WDR43: variants seen among roughly 807,000 people sequenced by gnomAD.
WDR43 encodes the protein WD repeat domain 43, also known as WD repeat-containing protein 43.
In WDR43, 13 loss-of-function variants were observed where a neutral mutation model predicts 91.4. That is an observed-to-expected ratio of 0.14 (90% CI 0.09 to 0.23). The LOEUF (loss-of-function observed/expected upper bound fraction) is 0.23. WDR43 is among the 10% of genes least tolerant of loss of function. WDR43 has a pLI of 1.00. For synonymous variants in WDR43, 331 were observed against 287.9 expected, an observed-to-expected ratio of 1.15 and a Z score of -1.51; for missense variants, 780 against 809.4, an observed-to-expected ratio of 0.96 and a Z score of 0.44.
rs777039254 is a variant in WDR43, at chr2:28,926,527, C to T, written c.1146C>T (p.Ala382=). The T allele has an allele frequency of 1.3e-6, 2 of 1,599,068 alleles. No homozygotes were observed. The highest frequency in any genetic ancestry group is 1.7e-6 in the Non-Finnish European group (2 of 1,171,938). ...CLVRDISNCW[A]PKVETAITKV... is the part of the protein sequence containing the mutation. ...TAAGAGATATTTCAAACTGCTGGGC[C>T]CCCAAAGTAGAAACAGCTATAACAA... The change falls in exon 9 of 18, where the codon GCC becomes GCT. Residue 382 remains alanine, a synonymous_variant. Transcript: ENST00000407426.
intron 13 of WDR43, 134 bp downstream of exon 13, chr2:28,937,087 G>C: frequency 1.2e-6 from 1 of 819,072 alleles, no homozygotes. Context: ...CTTATTTTAA[G>C]TTGAATGATT....
At chr2:28,909,318 A>G (rs998542312) in intron 3 of WDR43, among the ~76,000 whole-genome samples, 3 of 151,838 alleles carry the variant, frequency 2.0e-5, no homozygotes, top group Admixed American at 1.3e-4. Context: ...TTTTATTTTT[A>G]GTAGAGGTTT....
chr2:28,944,717 TAGTA>T lies in WDR43; in HGVS notation c.1805-1730_1805-1727del, dbSNP rs1317277130. Reference sequence around the variant, plus strand: ...TCTGTGTAGCATCGTGTAATTGTATTAGTAAGCAAAATAAGGGTGGCTTGAACAT... The same window carrying T: ...TCTGTGTAGCATCGTGTAATTGTATTAGCAAAATAAGGGTGGCTTGAACAT... On this transcript the variant is annotated intron_variant, in intron 16 of 17. Coordinates refer to ENST00000407426, the MANE Select transcript of WDR43 (RefSeq NM_015131.3). 6.6e-5 allele frequency among the ~76,000 whole-genome samples: 10 copies of T among 152,320 alleles called. No individual in the cohort carries two copies. The South Asian group carries it at 1.0e-3, about 16-fold the overall frequency.
Position 28,894,680 on chromosome 2 carries a change from C to A in WDR43, c.-19C>A. ...CTGCGCACGGACGAACACGTGGCTG[C>A]AGCGGGGCCAGAGCAGCAATGGCGG... On this transcript the variant is annotated 5_prime_UTR_variant, in exon 1 of 18. Coordinates refer to ENST00000407426, the MANE Select transcript of WDR43 (RefSeq NM_015131.3). The A allele has an allele frequency of 6.5e-7, 1 of 1,538,892 alleles. No individual in the cohort carries two copies. Among genetic ancestry groups the A allele is most frequent in the Admixed American group, 2.0e-5 (1 of 50,474 alleles).
intron 16 of WDR43, among the ~76,000 whole-genome samples, chr2:28,943,430 T>C (rs1358704777): frequency 1.3e-5 from 2 of 152,166 alleles, no homozygotes; most frequent in Non-Finnish European, 2.9e-5. Flanking sequence ...CCCACAACAC[T>C]GGGCTGTCCT....
At chr2:28,895,328 C>T (rs184641614) in intron 1 of WDR43, 1 of 168,416 alleles carries the variant, frequency 5.9e-6, no homozygotes, top group African/African-American at 2.4e-5. Flanking sequence ...TGTGATCCGG[C>T]TCATCAGTTT....
At chr2:28,907,120 T>C (rs1180467096) in intron 3 of WDR43, among the ~76,000 whole-genome samples, 2 of 152,228 alleles carry the variant, frequency 1.3e-5, no homozygotes, top group African/African-American at 4.8e-5. Context: ...AGACCATTGA[T>C]TATAGTTCAA....
At chr2:28,942,161 C>CT in intron 15 of WDR43, 151 bp from the exon 16 acceptor site, 1 of 623,156 alleles carries the variant, frequency 1.6e-6, no homozygotes, top group Non-Finnish European at 2.8e-6. Flanking sequence ...ATTTGAAGGA[C>CT]TTTTTTGCTC....
chr2:28,917,781 C>G (rs1209211012), intron 5 of WDR43, 112 bp from the exon 6 acceptor site: 2 of 904,512 alleles, frequency 2.2e-6, no homozygotes, highest in Non-Finnish European at 3.3e-6. Context: ...CAAAAGATGA[C>G]AAAGCTATTG....
At chr2:28,902,882 A>T (rs930997209) in intron 2 of WDR43, among the ~76,000 whole-genome samples, 6 of 152,142 alleles carry the variant, frequency 3.9e-5, no homozygotes, top group Non-Finnish European at 7.4e-5. Flanking sequence ...GACAATATCT[A>T]TTGCAGTGTG....
chr2:28,937,068 G>C (rs1407614195), intron 13 of WDR43, 115 bp downstream of exon 13: 1 of 943,988 alleles, frequency 1.1e-6, no homozygotes, highest in African/African-American at 1.7e-5. Flanking sequence ...TTAACCCCTC[G>C]CCACCTCCCT....
chr2:28,945,179 G>T (rs970806158), intron 16 of WDR43, among the ~76,000 whole-genome samples: 1 of 152,154 alleles, frequency 6.6e-6, no homozygotes, highest in African/African-American at 2.4e-5. Context: ...TTCATCTGGA[G>T]ATAATGATTT....
In WDR43 at chr2:28,906,574, G is replaced by A. The variant is rs758477859; in HGVS notation, c.478G>A (p.Val160Ile). 1 of 1,611,394 alleles carries A rather than the reference G, an allele frequency of 6.2e-7. No individual in the cohort carries two copies. Among genetic ancestry groups the A allele is most frequent in the Admixed American group, 1.7e-5 (1 of 59,592 alleles). The change falls in exon 3 of 18, where the codon GTA (valine) becomes ATA (isoleucine). Residue 160 changes from valine (V) to isoleucine (I), a missense_variant. This residue lies in a region of WDR43 where 174 missense variants were observed against 207.3 expected (regional missense o/e 0.84). Coordinates refer to ENST00000407426, the MANE Select transcript of WDR43 (RefSeq NM_015131.3). ...GGAATGGAACGTACAGACATGCAAA[G>A]TAAAGTGGTGAGTAACATTCATGGT... ...IVEWNVQTCK[V>I]KCKWKGDNSS...
rs373864036 is a variant in WDR43, at chr2:28,922,978, A to G, written c.909A>G (p.Leu303=). The change falls in exon 7 of 18, where the codon TTA becomes TTG. Residue 303 remains leucine (L), a synonymous_variant. Transcript: ENST00000407426. ...DGQVHLFEHI[L]NGYCKKPLTS... is the part of the protein sequence containing the mutation. ...AAGTCCATCTTTTTGAACACATATT[A>G]AATGGGTAAGTAAGAAATTTTCCAA... 59 of 1,609,522 alleles carry G rather than the reference A, an allele frequency of 3.7e-5. No individual in the cohort carries two copies. Among genetic ancestry groups the G allele is most frequent in the Non-Finnish European group, 4.8e-5 (56 of 1,178,848 alleles).
In WDR43 at chr2:28,894,762, T is replaced by A; in HGVS notation, c.64T>A (p.Ser22Thr). 1.9e-6 allele frequency: 3 copies of A among 1,602,660 alleles called. No homozygotes were observed. The highest frequency in any genetic ancestry group is 2.6e-6 in the Non-Finnish European group (3 of 1,175,082). ...CCCTGCTGGGGTCCCTTGCGCCTTC[T>A]CCCCGCACAGCCAGGCCTACTTCGC... Reference protein sequence around the residue: ...LAPAGVPCAFSPHSQAYFALA... With the variant: ...LAPAGVPCAFTPHSQAYFALA... The change falls in exon 1 of 18, where the codon TCC becomes ACC. Residue 22 changes from serine (S) to threonine (T), a missense_variant. Physicochemically the swap from Ser to Thr is moderately conservative, Grantham distance 58. Around this residue, in one of 4 missense-constraint regions of WDR43, gnomAD observed 175 missense variants for 113.8 expected, o/e 1.54. Transcript: ENST00000407426.
At chr2:28,910,250 T>G (rs541659590) in intron 3 of WDR43, among the ~76,000 whole-genome samples, 108 of 152,326 alleles carry the variant, frequency 7.1e-4, no homozygotes, top group African/African-American at 2.4e-3. Context: ...AGTGGGGAAG[T>G]AGATGAAGGA....
At chr2:28,915,253 G>A (rs902847912) in intron 5 of WDR43, among the ~76,000 whole-genome samples, 3 of 152,184 alleles carry the variant, frequency 2.0e-5, no homozygotes, top group Admixed American at 2.0e-4. Context: ...TCCTAATTAT[G>A]TCTCTTGTAA....
chr2:28,923,529 G>C (rs973894514), intron 7 of WDR43, among the ~76,000 whole-genome samples: 2 of 152,088 alleles, frequency 1.3e-5, no homozygotes, highest in African/African-American at 4.8e-5. Context: ...ACTCAGTTTT[G>C]CGCACAAATT....
At chr2:28,920,153 A>T (rs1014683606) in intron 6 of WDR43, among the ~76,000 whole-genome samples, 1 of 151,384 alleles carries the variant, frequency 6.6e-6, no homozygotes, top group Admixed American at 6.6e-5. Flanking sequence ...GCCCCCTGTG[A>T]CTGTAAAATA....
Sources: allele counts gnomAD v4.1 joint callset (sites outside exome capture counted in the v4.1 genomes callset), GRCh38; gene constraint gnomAD v4.1.1; regional missense constraint gnomAD v4.1.1; transcripts MANE v1.5; gene names NCBI Gene and HGNC (gene_info 2026-07-23, HGNC 2026-07-21).